MBTD1: variants seen among roughly 807,000 people sequenced by gnomAD.
MBTD1 encodes the protein MBT domain-containing protein 1.
A neutral mutation model predicts 87.8 loss-of-function variants in MBTD1; 24 were observed. The ratio of observed to expected loss-of-function variants is 0.27; its 90% CI spans 0.20 to 0.38. The LOEUF (loss-of-function observed/expected upper bound fraction) is 0.38, where lower values mean the gene tolerates loss of function less well. MBTD1 is among the 10% of genes least tolerant of loss of function. The pLI is 1.00. For synonymous variants in MBTD1, 237 were observed against 248.6 expected, an observed-to-expected ratio of 0.95 and a Z score of 0.44; for missense variants, 436 against 760.2, an observed-to-expected ratio of 0.57 and a Z score of 5.02.
At position 51,259,902 on chromosome 17, in the gene MBTD1, G is replaced by A. The variant is rs1032247090; in HGVS notation, c.-180C>T. 8.1e-7 allele frequency: 1 copy of A among 1,231,196 alleles called. No homozygotes were observed. The allele number at this position is 1,231,196 out of a possible 1,614,324, so 76.3% of individuals were successfully genotyped here. Reference sequence around the variant, plus strand: ...TGTCCGTGCTCCCCGAGCCCGCGGCGCCCCCTCCCCGGGCTGGGGGCAGGT... The same window carrying A: ...TGTCCGTGCTCCCCGAGCCCGCGGCACCCCCTCCCCGGGCTGGGGGCAGGT... On this transcript the variant is annotated 5_prime_UTR_variant, in exon 1 of 17. Coordinates refer to ENST00000586178, the MANE Select transcript of MBTD1 (RefSeq NM_017643.3).
rs1568135568 is a variant in MBTD1 at position 51,179,490 on chromosome 17, A to ATATATATATTTT, written c.*1085_*1086insAAAATATATATA. The ATATATATATTTT allele has an allele frequency of 1.0e-3, 24 of 23,530 alleles. 1 individual carries two copies. Among genetic ancestry groups the ATATATATATTTT allele is most frequent in the East Asian group, 1.5e-3 (1 of 660 alleles). The allele number at this position is 23,530 out of a possible 1,614,324, so 1.5% of individuals were successfully genotyped here. A position where few individuals can be genotyped will look rare whatever the true frequency, so the allele number is the denominator to read the frequency against. On this transcript the variant is annotated 3_prime_UTR_variant, in exon 17 of 17. Transcript: ENST00000586178. The stretch of plus-strand genomic sequence containing the variant: ...AATACAATTAAAGACAATTTTATAT[A>ATATATATATTTT]TATATATATATATATATATATATAT...
At chr17:51,253,420 T>TA (rs2054909666) in intron 2 of MBTD1, among the ~76,000 whole-genome samples, 1 of 152,140 alleles carries the variant, frequency 6.6e-6, no homozygotes, top group African/African-American at 2.4e-5. Context: ...GAGACAAACT[T>TA]ACAATCAGCA....
intron 6 of MBTD1, chr17:51,209,286 C>A (rs1390481637): frequency 2.2e-6 from 1 of 455,648 alleles, no homozygotes; most frequent in Non-Finnish European, 4.6e-6. Context: ...CTAGCAGAAC[C>A]ATAATTTACA....
intron 16 of MBTD1, among the ~76,000 whole-genome samples, chr17:51,181,073 G>C (rs544653545): frequency 2.7e-5 from 4 of 148,542 alleles, no homozygotes; most frequent in Non-Finnish European, 4.4e-5. Context: ...TCAGGCTGGA[G>C]TGCAGTGGAG....
chr17:51,211,747 C>T (rs553302203), intron 6 of MBTD1, among the ~76,000 whole-genome samples: 168 of 151,136 alleles, frequency 1.1e-3, no homozygotes, highest in African/African-American at 3.9e-3. Flanking sequence ...TATTTCTAAC[C>T]TTTAATAGAG....
chr17:51,180,764 G>A (rs1411453018), intron 16 of MBTD1, 70 bp from the exon 17 acceptor site: 11 of 792,550 alleles, frequency 1.4e-5, no homozygotes, highest in East Asian at 2.7e-5. Context: ...TGTGATCTTC[G>A]TGTTCCGTCA....
At chr17:51,249,763 T>C (rs192655108) in intron 2 of MBTD1, 10 of 152,342 alleles carry the variant, frequency 6.6e-5, no homozygotes, top group Admixed American at 5.2e-4. Flanking sequence ...CGCTTACCTT[T>C]ATATTAATAG....
rs2050170180 is a variant in MBTD1 at position 51,178,292 on chromosome 17, T to C, written c.*2284A>G. ...AGAGGGCTTTAGGTTGTGTTCAGAC[T>C]GTAGAAAAGTCCTTACCAACCTTCA... On this transcript the variant is annotated 3_prime_UTR_variant, in exon 17 of 17. Coordinates refer to ENST00000586178, the MANE Select transcript of MBTD1 (RefSeq NM_017643.3). The C allele has an allele frequency of 6.6e-6, 1 of 152,226 alleles. No homozygotes were observed. The highest frequency in any genetic ancestry group is 6.5e-5 in the Admixed American group (1 of 15,278). The allele number at this position is 152,226 out of a possible 1,614,324, so 9.4% of individuals were successfully genotyped here. A position where few individuals can be genotyped will look rare whatever the true frequency, so the allele number is the denominator to read the frequency against.
At chr17:51,232,638 G>A (rs913737982) in intron 2 of MBTD1, among the ~76,000 whole-genome samples, 1 of 152,038 alleles carries the variant, frequency 6.6e-6, no homozygotes, top group African/African-American at 2.4e-5. Flanking sequence ...AGAACAGAAT[G>A]TAAAGATCCA....
At chr17:51,190,750 A>AAAATATATATATATATATATATAT (rs1555677185) in intron 16 of MBTD1, among the ~76,000 whole-genome samples, 2 of 39,714 alleles carry the variant, frequency 5.0e-5, no homozygotes, top group African/African-American at 1.5e-4. Flanking sequence ...AAAAAAAAAA[A>AAAATATATATATATATATATATAT]ATATATATAT....
chr17:51,230,006 A>G (rs1452455917), intron 2 of MBTD1, among the ~76,000 whole-genome samples: 2 of 151,930 alleles, frequency 1.3e-5, no homozygotes, highest in Non-Finnish European at 2.9e-5. Context: ...AAAAAGAAAA[A>G]CCTATCATTT....
At chr17:51,219,803 T>C (rs1187068595) in intron 4 of MBTD1, among the ~76,000 whole-genome samples, 1 of 152,242 alleles carries the variant, frequency 6.6e-6, no homozygotes, top group Non-Finnish European at 1.5e-5. Context: ...AGTCATTTTG[T>C]AGGCACTGAT....
rs528244716 is a variant in MBTD1 at position 51,194,717 on chromosome 17, T to C, written c.1372+497A>G. On this transcript the variant is annotated intron_variant, in intron 13 of 16. Coordinates refer to ENST00000586178, the MANE Select transcript of MBTD1 (RefSeq NM_017643.3). ...GGTAACATAGTGAGATTCCTGTCTG[T>C]ACATACAAAGAAAAAAAAAAAAAAG... Among the ~76,000 whole-genome samples the C allele has an allele frequency of 2.0e-5, 3 of 147,610 alleles. No homozygotes were observed. The Admixed American group carries it at 2.1e-4, about 10-fold the overall frequency.
intron 2 of MBTD1, among the ~76,000 whole-genome samples, chr17:51,227,059 G>A (rs1008826624): frequency 1.9e-4 from 29 of 152,028 alleles, no homozygotes; most frequent in African/African-American, 6.0e-4. Flanking sequence ...TGGCTAACAC[G>A]GTGAAACCCC....
At chr17:51,232,894 T>A (rs1032284902) in intron 2 of MBTD1, among the ~76,000 whole-genome samples, 26 of 150,260 alleles carry the variant, frequency 1.7e-4, no homozygotes, top group African/African-American at 5.9e-4. Flanking sequence ...AAAATAAAAA[T>A]AAAAAAAATT....
intron 6 of MBTD1, among the ~76,000 whole-genome samples, chr17:51,207,439 T>A (rs1015691017): frequency 3.9e-5 from 6 of 152,086 alleles, no homozygotes; most frequent in Non-Finnish European, 5.9e-5. Context: ...TCCAACAACA[T>A]GAATAAGAGA....
At chr17:51,207,932 T>C (rs972073475) in intron 6 of MBTD1, among the ~76,000 whole-genome samples, 2 of 152,166 alleles carry the variant, frequency 1.3e-5, no homozygotes, top group South Asian at 2.1e-4. Flanking sequence ...ATTTAGAATG[T>C]TGATCATAAA....
chr17:51,247,939 G>A (rs187428377), intron 2 of MBTD1, among the ~76,000 whole-genome samples: 2 of 152,202 alleles, frequency 1.3e-5, no homozygotes, highest in East Asian at 3.9e-4. Flanking sequence ...CTCTAATGAG[G>A]TCAATTTTAT....
intron 16 of MBTD1, among the ~76,000 whole-genome samples, chr17:51,187,823 T>C (rs967702055): frequency 4.9e-4 from 69 of 141,608 alleles, no homozygotes; most frequent in African/African-American, 1.8e-3. Context: ...CACTCCAGCC[T>C]GGGAGACAGA....
Sources: gnomAD v4.1 joint callset for allele counts (sites outside exome capture counted in the v4.1 genomes callset) on GRCh38, gnomAD v4.1.1 for gene constraint, MANE v1.5 for transcripts, NCBI Gene and HGNC (gene_info 2026-07-23, HGNC 2026-07-21) for gene names.